KRI1: variants seen among roughly 807,000 people sequenced by gnomAD.
KRI1 encodes protein KRI1 homolog.
A neutral mutation model predicts 97.0 loss-of-function variants in KRI1; 83 were observed. That is an observed-to-expected ratio of 0.86 (90% CI 0.72 to 1.03). KRI1 has a LOEUF of 1.03. Among genes scored for constraint, KRI1 ranks in the 50% least tolerant of loss-of-function variants. The pLI is 0.00. For missense variants in KRI1, 916 were observed against 928.4 expected (o/e 0.99, Z 0.17); for synonymous variants, 371 against 363.5 (o/e 1.02, Z -0.23).
intron 2 of KRI1, 142 bp from the exon 3 acceptor site, chr19:10,565,176 G>A (rs989658093): frequency 1.8e-5 from 12 of 673,438 alleles, no homozygotes; most frequent in Non-Finnish European, 3.2e-5. Context: ...CAAACAGCAG[G>A]AGGGAGAGGG....
chr19:10,555,019 C>T (rs10413128), intron 18 of KRI1, 68 bp downstream of exon 18: 280,641 of 1,311,910 alleles, frequency 0.21, 31,315 homozygotes, highest in Middle Eastern at 0.27. Flanking sequence ...AAGAGGTTGA[C>T]GGAGCCAAGA....
chr19:10,554,414 T>C, intron 18 of KRI1, 133 bp from the exon 19 acceptor site: 1 of 745,692 alleles, frequency 1.3e-6, no homozygotes, highest in African/African-American at 1.8e-5. Context: ...AGGGCCTGCC[T>C]GGGATTCAGA....
At chr19:10,554,793 C>T (rs1176973343) in intron 18 of KRI1, among the ~76,000 whole-genome samples, 1 of 152,172 alleles carries the variant, frequency 6.6e-6, no homozygotes, top group Non-Finnish European at 1.5e-5. Context: ...CAGCTAAGAC[C>T]TATGGGGCAT....
intron 12 of KRI1, among the ~76,000 whole-genome samples, chr19:10,558,614 C>A (rs1916594572): frequency 1.3e-5 from 2 of 152,118 alleles, no homozygotes; most frequent in Admixed American, 1.3e-4. Flanking sequence ...ACTATCTCGG[C>A]TCACTGCAAC....
chr19:10,555,236 C>CCCGCCCTGCCCGCAGCACACCTGGCT (rs6146467), intron 17 of KRI1, 49 bp downstream of exon 17: 20 of 1,604,912 alleles, frequency 1.2e-5, no homozygotes, highest in Middle Eastern at 1.7e-4. Context: ...CCCGAGGCTG[C>CCCGCCCTGCCCGCAGCACACCTGGCT]CCGCCCTGCC....
intron 12 of KRI1, among the ~76,000 whole-genome samples, chr19:10,559,152 A>G (rs2144722168): frequency 6.6e-6 from 1 of 151,910 alleles, no homozygotes; most frequent in Non-Finnish European, 1.5e-5. Context: ...TTACAAGCAT[A>G]CACCACCACA....
rs143786059 is a variant in KRI1, at chr19:10,565,030, A to T, written c.173T>A (p.Phe58Tyr). 32 of 1,605,122 alleles carry T rather than the reference A, an allele frequency of 2.0e-5. No homozygotes were observed. The African/African-American group carries it at 4.1e-4, about 21-fold the overall frequency. ...AAAGTCCCGCTCCTGCTGGGGATCA[A>T]ATTCCTAGGGCAGGAAAAGGGTTGG... ...ESDSSDERVE[F>Y]DPQQERDFYK... is the part of the protein sequence containing the mutation. The change falls in exon 3 of 19, where the codon TTT (phenylalanine) becomes TAT (tyrosine). Residue 58 changes from phenylalanine (F) to tyrosine (Y), a missense_variant. Phe to Tyr is a conservative substitution (Grantham distance 22). Coordinates refer to ENST00000312962, the MANE Select transcript of KRI1 (RefSeq NM_023008.5).
intron 3 of KRI1, 24 bp downstream of exon 3, chr19:10,564,905 G>C (rs771145241): frequency 4.8e-6 from 7 of 1,452,086 alleles, no homozygotes; most frequent in African/African-American, 1.4e-5. Flanking sequence ...GGAAGGAGAG[G>C]TTTAGACAGG....
rs771014482 is a variant in KRI1 at position 10,554,024 on chromosome 19, T to C, written c.2039A>G (p.Asn680Ser). Residue 680 changes from asparagine (N) to serine (S), a missense_variant, in exon 19 of 19, where the codon AAC becomes AGC. Transcript: ENST00000312962. ...SRQRLQAFGL[N>S]PKRLHFRQLG... is the part of the protein sequence containing the mutation. ...CTGGCGGAAGTGCAGCCGTTTGGGG[T>C]TGAGGCCAAAGGCCTGCAGTCTCTG... The C allele has an allele frequency of 6.2e-7, 1 of 1,614,062 alleles. No individual in the cohort carries two copies. The highest frequency in any genetic ancestry group is 8.5e-7 in the Non-Finnish European group (1 of 1,179,950).
intron 2 of KRI1, 89 bp downstream of exon 2, chr19:10,565,628 T>C: frequency 7.1e-7 from 1 of 1,412,556 alleles, no homozygotes; most frequent in Non-Finnish European, 9.2e-7. Context: ...GCTCTGGGGT[T>C]GGGGGTTCCC....
In KRI1 at chr19:10,554,167, C is replaced by T; in HGVS notation, c.1896G>A (p.Gln632=). 1 of 1,614,012 alleles carries T rather than the reference C, an allele frequency of 6.2e-7. No individual in the cohort carries two copies. The highest frequency in any genetic ancestry group is 8.5e-7 in the Non-Finnish European group (1 of 1,180,006). Residue 632 remains glutamine (Q), a synonymous_variant, in exon 19 of 19, where the codon CAG becomes CAA. Transcript: ENST00000312962. Reference sequence around the variant, plus strand: ...GGGGTGATACAGGGGCTTCCTCTTCCTGTGCTGGGGGACTCTCCGGCCCCA... The same window carrying T: ...GGGGTGATACAGGGGCTTCCTCTTCTTGTGCTGGGGGACTCTCCGGCCCCA... ...SLMGPESPPA[Q]EEEAPVSPHK...
Position 10,554,151 on chromosome 19 carries a change from C to G in KRI1, c.1912G>C (p.Val638Leu). Residue 638 changes from valine to leucine, a missense_variant, in exon 19 of 19, where the codon GTA (valine) becomes CTA (leucine). This residue lies in a region of KRI1 where 672 missense variants were observed against 667.2 expected (regional missense o/e 1.01). Transcript: ENST00000312962. ...SPPAQEEEAP[V>L]SPHKKPAPQK... The stretch of plus-strand genomic sequence containing the variant: ...GGGGCTGGCTTCTTGTGGGGTGATA[C>G]AGGGGCTTCCTCTTCCTGTGCTGGG... 6.2e-7 allele frequency: 1 copy of G among 1,614,088 alleles called. No individual in the cohort carries two copies. Among genetic ancestry groups the G allele is most frequent in the Non-Finnish European group, 8.5e-7 (1 of 1,180,010 alleles).
Position 10,559,413 on chromosome 19 carries a change from C to T in KRI1, c.1140G>A (p.Glu380=), listed in dbSNP as rs758564901. 2.5e-6 allele frequency: 4 copies of T among 1,614,116 alleles called. No homozygotes were observed. Among genetic ancestry groups the T allele is most frequent in the Non-Finnish European group, 3.4e-6 (4 of 1,180,014 alleles). The change falls in exon 12 of 19, where the codon GAG becomes GAA. Residue 380 remains glutamate (E), a synonymous_variant. Coordinates refer to ENST00000312962, the MANE Select transcript of KRI1 (RefSeq NM_023008.5). ...KVTGNEMLGL[E]EGDLEDDFDP... is the part of the protein sequence containing the mutation. ...CGAAGTCGTCTTCAAGGTCCCCCTC[C>T]TCGAGGCCCAGCATCTCGTTGCCTG... is the stretch of plus-strand genomic sequence containing the variant.
At chr19:10,559,557 G>A (rs1329182778) in intron 11 of KRI1, 28 bp from the exon 12 acceptor site, 1 of 1,613,594 alleles carries the variant, frequency 6.2e-7, no homozygotes, top group African/African-American at 1.3e-5. Context: ...GAGGGGGAGG[G>A]CATGGGCTTT....
chr19:10,564,904 G>A, intron 3 of KRI1, 25 bp downstream of exon 3: 1 of 1,428,408 alleles, frequency 7.0e-7, no homozygotes, highest in South Asian at 1.1e-5. Flanking sequence ...AGGAAGGAGA[G>A]GTTTAGACAG....
Position 10,561,728 on chromosome 19 carries a change from G to A in KRI1, c.439-12C>T. The stretch of plus-strand genomic sequence containing the variant: ...TGCGACGATGTCTCCTGCAGAGAGG[G>A]CCATAGGTCTCAGGCCAGCCCCAGG... On this transcript the variant is annotated splice_polypyrimidine_tract_variant and intron_variant, in intron 5 of 18. Coordinates refer to ENST00000312962, the MANE Select transcript of KRI1 (RefSeq NM_023008.5). 13 of 1,614,030 alleles carry A rather than the reference G, an allele frequency of 8.1e-6. No homozygotes were observed. Among genetic ancestry groups the A allele is most frequent in the Non-Finnish European group, 1.1e-5 (13 of 1,180,000 alleles).
Position 10,561,165 on chromosome 19 carries a change from C to T in KRI1, c.585+4G>A. 8.1e-6 allele frequency: 13 copies of T among 1,613,926 alleles called. No individual in the cohort carries two copies. Among genetic ancestry groups the T allele is most frequent in the Non-Finnish European group, 1.1e-5 (13 of 1,179,818 alleles). On this transcript the variant is annotated splice_donor_region_variant and intron_variant, in intron 7 of 18. Coordinates refer to ENST00000312962, the MANE Select transcript of KRI1 (RefSeq NM_023008.5). ...CAGCAGTCCAGTCAGGCCCCAGTAC[C>T]CACCTTCTCCTGCCTGGTTTTGGCA...
intron 4 of KRI1, among the ~76,000 whole-genome samples, chr19:10,562,091 CAGGCTGG>C (rs1324111946): frequency 6.6e-6 from 1 of 151,404 alleles, no homozygotes; most frequent in African/African-American, 2.4e-5. Context: ...CTCTATCCCT[CAGGCTGG>C]AGGGCAGTGG....
intron 16 of KRI1, among the ~76,000 whole-genome samples, chr19:10,556,428 G>C (rs7256396): frequency 0.62 from 93,753 of 152,000 alleles, 30,457 homozygotes; most frequent in East Asian, 0.91. Context: ...AGCACTTTGG[G>C]AGGCTGAGGC....
Sources: allele counts gnomAD v4.1 joint callset (sites outside exome capture counted in the v4.1 genomes callset), GRCh38; gene constraint gnomAD v4.1.1; regional missense constraint gnomAD v4.1.1; transcripts MANE v1.5; gene names NCBI Gene and HGNC (gene_info 2026-07-23, HGNC 2026-07-21).